The following TAFA5 variants were observed in gnomAD, a reference collection of about 807,000 sequenced individuals.
TAFA5 encodes TAFA chemokine like family member 5.
In TAFA5, 6 loss-of-function variants were observed where a neutral mutation model predicts 15.3. The observed-to-expected ratio is 0.39, with a 90% CI of 0.21 to 0.77. The LOEUF is 0.77. Ranked by LOEUF, TAFA5 falls within the 30% of genes least tolerant of loss-of-function variation. The pLI is 0.41. For synonymous variants in TAFA5, 103 were observed against 80.7 expected (o/e 1.28, Z -1.48); for missense variants, 161 against 193.1 (o/e 0.83, Z 0.98).
At chr22:48,542,154 TGG>T (rs398121894) in intron 1 of TAFA5, among the ~76,000 whole-genome samples, 1 of 104,796 alleles carries the variant, frequency 9.5e-6, no homozygotes, top group African/African-American at 5.0e-5. Context: ...TGTGTGGGTG[TGG>T]GGGGTGTGTG....
At chr22:48,580,961 T>C (rs914353437) in intron 1 of TAFA5, among the ~76,000 whole-genome samples, 61 of 152,312 alleles carry the variant, frequency 4.0e-4, no homozygotes, top group African/African-American at 1.3e-3. Flanking sequence ...ACATGGCAGG[T>C]GTCCCTCAGC....
At chr22:48,659,577 T>TG (rs1184595126) in intron 2 of TAFA5, among the ~76,000 whole-genome samples, 1 of 152,198 alleles carries the variant, frequency 6.6e-6, no homozygotes, top group Admixed American at 6.5e-5. Context: ...GTGGCCAAGC[T>TG]GGGGGTGGGG....
intron 1 of TAFA5, among the ~76,000 whole-genome samples, chr22:48,607,930 C>T (rs568755572): frequency 1.6e-4 from 25 of 152,270 alleles, no homozygotes; most frequent in East Asian, 3.9e-4. Flanking sequence ...AGGGTGGGGT[C>T]GTTTCCCTTT....
intron 1 of TAFA5, among the ~76,000 whole-genome samples, chr22:48,554,082 A>T (rs1922948706): frequency 6.6e-6 from 1 of 152,174 alleles, no homozygotes; most frequent in Admixed American, 6.5e-5. Context: ...CGCTCAGAAG[A>T]GCTCAGCTCC....
intron 1 of TAFA5, among the ~76,000 whole-genome samples, chr22:48,583,847 CA>C (rs1336031423): frequency 7.2e-6 from 1 of 139,566 alleles, no homozygotes; most frequent in South Asian, 2.4e-4. Flanking sequence ...ACACGCCACA[CA>C]AAAAATACAC....
At chr22:48,713,259 G>A (rs1929307731) in intron 3 of TAFA5, among the ~76,000 whole-genome samples, 1 of 152,212 alleles carries the variant, frequency 6.6e-6, no homozygotes, top group African/African-American at 2.4e-5. Flanking sequence ...TGCCCAACGT[G>A]AGAGATTCTG....
rs1428774604 is a variant in TAFA5 at position 48,612,630 on chromosome 22, CGT to C, written c.113-33964_113-33963del. 1.1e-4 allele frequency among the ~76,000 whole-genome samples: 17 copies of C among 150,774 alleles called. No individual in the cohort carries two copies. In the East Asian group the frequency reaches 3.3e-3, roughly 29 times the overall value. On this transcript the variant is annotated intron_variant, in intron 1 of 3. Coordinates refer to ENST00000402357, the MANE Select transcript of TAFA5 (RefSeq NM_001082967.3). The stretch of plus-strand genomic sequence containing the variant: ...TTCCCCACGTGTCTCCCGTTCCCCG[CGT>C]GTCTCCCTTTCCCGGAGTGTCTCCC...
intron 2 of TAFA5, among the ~76,000 whole-genome samples, chr22:48,651,979 C>A (rs964226280): frequency 6.6e-6 from 1 of 152,192 alleles, no homozygotes; most frequent in Non-Finnish European, 1.5e-5. Context: ...GAAGTCACTT[C>A]TTCTCTTGCC....
At chr22:48,719,406 G>A (rs1929501319) in intron 3 of TAFA5, among the ~76,000 whole-genome samples, 2 of 152,362 alleles carry the variant, frequency 1.3e-5, no homozygotes, top group African/African-American at 4.8e-5. Context: ...ACTGACTCAG[G>A]GAACTGGAGG....
chr22:48,583,755 AG>A (rs1924200617), intron 1 of TAFA5, among the ~76,000 whole-genome samples: 1 of 7,222 alleles, frequency 1.4e-4, no homozygotes, highest in Non-Finnish European at 2.9e-4. Context: ...CCACACACAC[AG>A]TACACGCCAC....
In TAFA5 at chr22:48,550,119, G is replaced by C. The variant is rs1163196697; in HGVS notation, c.112+60415G>C. Among the ~76,000 whole-genome samples, 1 of 152,218 alleles carries C rather than the reference G, an allele frequency of 6.6e-6. No homozygotes were observed. The highest frequency in any genetic ancestry group is 1.5e-5 in the Non-Finnish European group (1 of 68,034). Reference sequence around the variant, plus strand: ...CTGTATCAGAAGCTGGGAACTTTGGGGTATGCTGGGCATGGGTGTAGCAGC... The same window carrying C: ...CTGTATCAGAAGCTGGGAACTTTGGCGTATGCTGGGCATGGGTGTAGCAGC... On this transcript the variant is annotated intron_variant, in intron 1 of 3. Transcript: ENST00000402357. This position sits in a 1 kb window ranked among gnomAD's most constrained non-coding sequence, Gnocchi z 4.1.
At chr22:48,676,558 A>T (rs1246104464) in intron 2 of TAFA5, among the ~76,000 whole-genome samples, 1 of 152,176 alleles carries the variant, frequency 6.6e-6, no homozygotes, top group African/African-American at 2.4e-5. Context: ...CCACTCTCCA[A>T]GCCTGTGTGA....
intron 3 of TAFA5, among the ~76,000 whole-genome samples, chr22:48,738,941 G>T (rs1169081927): frequency 6.6e-6 from 1 of 152,160 alleles, no homozygotes; most frequent in Non-Finnish European, 1.5e-5. Context: ...TTTCACCACT[G>T]GATTATAAAC....
intron 2 of TAFA5, among the ~76,000 whole-genome samples, chr22:48,653,511 C>T (rs567268692): frequency 4.6e-5 from 7 of 152,308 alleles, no homozygotes; most frequent in African/African-American, 7.2e-5. Context: ...CTGCCCGGCC[C>T]GACCCATGGC....
At chr22:48,576,293 C>T (rs1282731203) in intron 1 of TAFA5, 7 of 1,104,644 alleles carry the variant, frequency 6.3e-6, no homozygotes, top group Admixed American at 4.7e-5. Context: ...CCGCTCCCCT[C>T]CCCCCTGCCC....
At chr22:48,612,817 C>T (rs1925460032) in intron 1 of TAFA5, among the ~76,000 whole-genome samples, 1 of 152,224 alleles carries the variant, frequency 6.6e-6, no homozygotes, top group Non-Finnish European at 1.5e-5. Context: ...ATGTGTCCCT[C>T]TTCTGTGCAC....
At chr22:48,719,764 T>C (rs1359520455) in intron 3 of TAFA5, among the ~76,000 whole-genome samples, 1 of 152,226 alleles carries the variant, frequency 6.6e-6, no homozygotes, top group Non-Finnish European at 1.5e-5. Flanking sequence ...TTTGCGTTCT[T>C]TTGAATCACC....
intron 1 of TAFA5, among the ~76,000 whole-genome samples, chr22:48,629,717 A>T (rs955066515): frequency 6.0e-5 from 9 of 150,132 alleles, no homozygotes; most frequent in African/African-American, 2.3e-4. Flanking sequence ...CAGCACAGAG[A>T]CCCAACTCTA....
chr22:48,674,367 A>G (rs893069411), intron 2 of TAFA5, among the ~76,000 whole-genome samples: 1 of 152,018 alleles, frequency 6.6e-6, no homozygotes, highest in Non-Finnish European at 1.5e-5. Flanking sequence ...GCACCCGTCC[A>G]TGCCTGTCCA....
Sources: allele counts gnomAD v4.1 joint callset (sites outside exome capture counted in the v4.1 genomes callset), GRCh38; gene constraint gnomAD v4.1.1; non-coding constraint Gnocchi (gnomAD v3.1); transcripts MANE v1.5; gene names NCBI Gene and HGNC (gene_info 2026-07-23, HGNC 2026-07-21).